The following MYO18A variants were observed in gnomAD, a reference collection of about 807,000 sequenced individuals.
MYO18A encodes myosin XVIIIA.
A neutral mutation model predicts 235.8 loss-of-function variants in MYO18A; 78 were observed. That is an observed-to-expected ratio of 0.33 (90% CI 0.28 to 0.40). MYO18A has a LOEUF of 0.40. Ranked by LOEUF, MYO18A falls within the 10% of genes least tolerant of loss-of-function variation. The pLI, the probability that MYO18A is intolerant of heterozygous loss-of-function variation, is 1.00. For missense variants in MYO18A, 2,215 were observed against 2,699.3 expected (o/e 0.82, Z 3.98); for synonymous variants, 977 against 1,077.8 (o/e 0.91, Z 1.83).
chr17:29,097,753 G>A (rs750632133), intron 26 of MYO18A, 35 bp downstream of exon 26: 51 of 1,573,040 alleles, frequency 3.2e-5, no homozygotes, highest in Middle Eastern at 1.7e-4. Flanking sequence ...CTCGCATTGC[G>A]GGCCACTGCC....
At chr17:29,148,505 G>C (rs962987600) in intron 2 of MYO18A, among the ~76,000 whole-genome samples, 5 of 152,056 alleles carry the variant, frequency 3.3e-5, no homozygotes, top group Non-Finnish European at 5.9e-5. Flanking sequence ...GCCAGTACTA[G>C]AGTCTACACC....
chr17:29,073,550 A>G lies in MYO18A; in HGVS notation c.*1220T>C, dbSNP rs901250559. ...AGGAAAAGGGCCTTTATTTCCATAC[A>G]TCGGGTAAACAGGGGAGAGCACAGC... On this transcript the variant is annotated 3_prime_UTR_variant, in exon 42 of 42. Coordinates refer to ENST00000527372, the MANE Select transcript of MYO18A (RefSeq NM_078471.4). 2.1e-5 allele frequency: 6 copies of G among 279,956 alleles called. No homozygotes were observed. In the South Asian group the frequency reaches 6.8e-4, roughly 32 times the overall value. 17.3% of individuals were successfully genotyped at this position (279,956 alleles called of 1,614,324 possible). A position where few individuals can be genotyped will look rare whatever the true frequency, so the allele number is the denominator to read the frequency against.
intron 18 of MYO18A, among the ~76,000 whole-genome samples, 151 bp from the exon 19 acceptor site, chr17:29,110,252 G>A (rs377512859): frequency 2.0e-5 from 3 of 152,172 alleles, no homozygotes; most frequent in South Asian, 2.1e-4. Context: ...TGCCCTCGCC[G>A]GGCCTCGGTG....
Position 29,094,259 on chromosome 17 carries a change from C to T in MYO18A, c.4711-169G>A. 4.9e-6 allele frequency: 3 copies of T among 618,526 alleles called. No homozygotes were observed. The South Asian group carries it at 5.8e-5, about 12-fold the overall frequency. The allele number at this position is 618,526 out of a possible 1,614,324, so 38.3% of individuals were successfully genotyped here. ...AGCTTCTCCAGAGCAGCTGAACTCC[C>T]TTACTAGAGGTCTGGCATAGGCCCA... is the stretch of plus-strand genomic sequence containing the variant. On this transcript the variant is annotated intron_variant, in intron 30 of 41. Coordinates refer to ENST00000527372, the MANE Select transcript of MYO18A (RefSeq NM_078471.4).
chr17:29,090,731 G>T (rs1001083420), intron 35 of MYO18A, 79 bp downstream of exon 35: 1 of 1,524,360 alleles, frequency 6.6e-7, no homozygotes, highest in Non-Finnish European at 9.1e-7. Context: ...CAAAACAAGC[G>T]GTTGTGCGGG....
At chr17:29,095,368 C>CA (rs1334309119) in intron 28 of MYO18A, among the ~76,000 whole-genome samples, 1 of 152,194 alleles carries the variant, frequency 6.6e-6, no homozygotes, top group Non-Finnish European at 1.5e-5. Flanking sequence ...TTTTCCATTT[C>CA]AACACATCAA....
At chr17:29,176,653 G>A (rs996432936) in intron 1 of MYO18A, 1 of 152,224 alleles carries the variant, frequency 6.6e-6, no homozygotes, top group East Asian at 1.9e-4. Context: ...TTGTAGCAGC[G>A]GCCGGAGGGG....
rs757400510 is a variant in MYO18A, at chr17:29,090,665, A to ACCAGC, written c.5305-55_5305-51dup. 11 of 1,579,468 alleles carry ACCAGC rather than the reference A, an allele frequency of 7.0e-6. No individual in the cohort carries two copies. The African/African-American group carries it at 1.2e-4, about 17-fold the overall frequency. ...AAGCAGGATCCCCCATAAGCATTCA[A>ACCAGC]CCAGCCCAGCCCAGCTGGAACACCA... On this transcript the variant is annotated intron_variant, in intron 35 of 41. Transcript: ENST00000527372.
At chr17:29,100,170 C>T (rs1339039993) in intron 21 of MYO18A, among the ~76,000 whole-genome samples, 1 of 152,230 alleles carries the variant, frequency 6.6e-6, no homozygotes, top group African/African-American at 2.4e-5. Context: ...GCCCACAGCC[C>T]ACTGCAGGGC....
Position 29,106,890 on chromosome 17 carries a change from C to T in MYO18A, c.3441+190G>A, listed in dbSNP as rs1019867505. ...AGCAGACACCCCCAGCTCAGGCCTCCAAGGAGGGGGTGGCTCTTCTCCAGC... is the reference window on the plus strand; with the variant it reads ...AGCAGACACCCCCAGCTCAGGCCTCTAAGGAGGGGGTGGCTCTTCTCCAGC... On this transcript the variant is annotated intron_variant, in intron 20 of 41. Transcript: ENST00000527372. The surrounding 1 kb of genome is among the most constrained non-coding windows in gnomAD (Gnocchi z 4.6). 5.9e-5 allele frequency among the ~76,000 whole-genome samples: 9 copies of T among 152,172 alleles called. No individual in the cohort carries two copies. The highest frequency in any genetic ancestry group is 3.9e-4 in the Admixed American group (6 of 15,280).
intron 2 of MYO18A, among the ~76,000 whole-genome samples, chr17:29,159,125 C>A (rs2068119963): frequency 6.6e-6 from 1 of 152,176 alleles, no homozygotes; most frequent in South Asian, 2.1e-4. Context: ...GGCCACGGTA[C>A]TCCAGGGCTG....
At chr17:29,113,905 C>G in intron 15 of MYO18A, 106 bp downstream of exon 15, 1 of 890,776 alleles carries the variant, frequency 1.1e-6, no homozygotes. Flanking sequence ...TCCCTCAGCC[C>G]ACAGTGGCAC....
chr17:29,140,292 TGAG>T lies in MYO18A; in HGVS notation c.1000-18042_1000-18040del. 2.6e-6 allele frequency: 3 copies of T among 1,171,750 alleles called. No individual in the cohort carries two copies. Among genetic ancestry groups the T allele is most frequent in the Non-Finnish European group, 3.3e-6 (3 of 918,768 alleles). The allele number at this position is 1,171,750 out of a possible 1,614,324, so 72.6% of individuals were successfully genotyped here. On this transcript the variant is annotated intron_variant, in intron 2 of 41. Coordinates refer to ENST00000527372, the MANE Select transcript of MYO18A (RefSeq NM_078471.4). This position sits in a 1 kb window ranked among gnomAD's most constrained non-coding sequence, Gnocchi z 4.2. ...TCCTTTCCTAAATGAGGAAATAGCATGAGGAGCCTGGGACATTTCCGGGGTGGG... is the reference window on the plus strand; with the variant it reads ...TCCTTTCCTAAATGAGGAAATAGCATGAGCCTGGGACATTTCCGGGGTGGG...
In MYO18A at chr17:29,094,799, C is replaced by A; in HGVS notation, c.4561G>T (p.Ala1521Ser). 6.2e-7 allele frequency: 1 copy of A among 1,614,068 alleles called. No homozygotes were observed. The highest frequency in any genetic ancestry group is 8.5e-7 in the Non-Finnish European group (1 of 1,179,910). Residue 1521 changes from alanine to serine, a missense_variant, in exon 30 of 42, where the codon GCA becomes TCA. By Grantham distance (99) the Ala-to-Ser change is moderately conservative (BLOSUM62 1). Coordinates refer to ENST00000527372, the MANE Select transcript of MYO18A (RefSeq NM_078471.4). ...TGGGAAGAAATGTCCTGGAGCTCTGCCTCTAGAGACACAACCTTCTGGGTG... is the reference window on the plus strand; with the variant it reads ...TGGGAAGAAATGTCCTGGAGCTCTGACTCTAGAGACACAACCTTCTGGGTG... ...GFTQKVVSLE[A>S]ELQDISSQES...
rs781098091 is a variant in MYO18A, at chr17:29,115,103, G to C, written c.2319-4C>G. Reference sequence around the variant, plus strand: ...GTGCTGGCTGGACTTGAGAGCCCTGGATAGGGACAGCCTGGGTCAGAGCCT... The same window carrying C: ...GTGCTGGCTGGACTTGAGAGCCCTGCATAGGGACAGCCTGGGTCAGAGCCT... On this transcript the variant is annotated splice_polypyrimidine_tract_variant and splice_region_variant and intron_variant, in intron 13 of 41. Coordinates refer to ENST00000527372, the MANE Select transcript of MYO18A (RefSeq NM_078471.4). The C allele has an allele frequency of 2.5e-6, 4 of 1,610,554 alleles. No homozygotes were observed. The highest frequency in any genetic ancestry group is 3.4e-6 in the Non-Finnish European group (4 of 1,178,000).
intron 2 of MYO18A, among the ~76,000 whole-genome samples, chr17:29,148,160 C>A (rs963166788): frequency 2.6e-5 from 4 of 151,860 alleles, no homozygotes; most frequent in Non-Finnish European, 4.4e-5. Context: ...ATATATATAT[C>A]TTAACAAAAT....
rs116681181 is a variant in MYO18A at position 29,110,682 on chromosome 17, C to T, written c.2901-60G>A. On this transcript the variant is annotated intron_variant, in intron 17 of 41. Coordinates refer to ENST00000527372, the MANE Select transcript of MYO18A (RefSeq NM_078471.4). The stretch of plus-strand genomic sequence containing the variant: ...GTCACATCGATGGAGCGGGAAAGGC[C>T]GCTCCTCCCCCAAGGCCCCAGAACA... The T allele has an allele frequency of 4.2e-4, 643 of 1,520,246 alleles. 2 individuals are homozygous for T. In the African/African-American group the frequency reaches 7.6e-3, roughly 18 times the overall value. The allele number at this position is 1,520,246 out of a possible 1,614,324, so 94.2% of individuals were successfully genotyped here.
chr17:29,126,459 C>G lies in MYO18A; in HGVS notation c.1000-4206G>C, dbSNP rs539254870. On this transcript the variant is annotated intron_variant, in intron 2 of 41. Transcript: ENST00000527372. The surrounding 1 kb of genome is among the most constrained non-coding windows in gnomAD (Gnocchi z 4.1). The stretch of plus-strand genomic sequence containing the variant: ...GCCCATGCCAGCTCCTCCCTGTGAG[C>G]AGGAACAGGCACTTCCCTGATTCAC... Among the ~76,000 whole-genome samples the G allele has an allele frequency of 2.0e-5, 3 of 152,306 alleles. No individual in the cohort carries two copies. The highest frequency in any genetic ancestry group is 1.5e-5 in the Non-Finnish European group (1 of 68,026).
chr17:29,145,595 G>A (rs1215872856), intron 2 of MYO18A, among the ~76,000 whole-genome samples: 2 of 152,194 alleles, frequency 1.3e-5, no homozygotes, highest in African/African-American at 2.4e-5. Context: ...CAGAGGTTGT[G>A]TGTTGTTCAT....
Sources: gnomAD v4.1 joint callset for allele counts (sites outside exome capture counted in the v4.1 genomes callset) on GRCh38, gnomAD v4.1.1 for gene constraint, Gnocchi (gnomAD v3.1) non-coding constraint, MANE v1.5 for transcripts, NCBI Gene and HGNC (gene_info 2026-07-23, HGNC 2026-07-21) for gene names.